Variants in KCNAB2 observed in about 807,000 individuals in gnomAD.
KCNAB2 encodes the protein potassium voltage-gated channel subfamily A regulatory beta subunit 2.
In KCNAB2, 29 loss-of-function variants were observed where a neutral mutation model predicts 63.6. The ratio of observed to expected loss-of-function variants is 0.46; its 90% CI spans 0.34 to 0.62. The LOEUF (loss-of-function observed/expected upper bound fraction) is 0.62. KCNAB2 is among the 20% of genes least tolerant of loss of function. The pLI is 0.01. For missense variants in KCNAB2, 359 were observed against 563.9 expected (o/e 0.64, Z 3.68); for synonymous variants, 222 against 224.2 (o/e 0.99, Z 0.09).
At chr1:6,036,627 G>T (rs1660059629) in intron 1 of KCNAB2, among the ~76,000 whole-genome samples, 1 of 152,232 alleles carries the variant, frequency 6.6e-6, no homozygotes, top group African/African-American at 2.4e-5. Flanking sequence ...CCTTGAGTGG[G>T]TGTGGGGCTG....
chr1:6,061,047 G>A (rs1323455233), intron 2 of KCNAB2, among the ~76,000 whole-genome samples: 1 of 152,212 alleles, frequency 6.6e-6, no homozygotes, highest in East Asian at 1.9e-4. Flanking sequence ...GCCGGCCCCA[G>A]CTTTCCAGCC....
chr1:6,004,364 T>C (rs995622080), intron 1 of KCNAB2, among the ~76,000 whole-genome samples: 10 of 151,880 alleles, frequency 6.6e-5, no homozygotes, highest in African/African-American at 2.4e-4. Context: ...CCCAGCTTGG[T>C]TAGAGGGTTT....
chr1:5,993,570 T>G (rs806111), intron 1 of KCNAB2, among the ~76,000 whole-genome samples: 62,002 of 152,104 alleles, frequency 0.41, 13,337 homozygotes, highest in African/African-American at 0.57. Flanking sequence ...TCCTGCGGCA[T>G]TAGCAGCAGC....
chr1:6,084,612 T>C (rs967016842), intron 5 of KCNAB2, among the ~76,000 whole-genome samples: 4 of 152,102 alleles, frequency 2.6e-5, no homozygotes, highest in East Asian at 1.9e-4. Flanking sequence ...GATGAGGAGT[T>C]CGAGACCAGC....
Position 6,095,640 on chromosome 1 carries a change from G to A in KCNAB2, c.948+16G>A, listed in dbSNP as rs759195710. The stretch of plus-strand genomic sequence containing the variant: ...CTCCTTGAAGGTGAAGGAACAGCCT[G>A]GTGGGGAGGGACGGGCAGGGGATAG... On this transcript the variant is annotated intron_variant, in intron 13 of 15. Transcript: ENST00000378083. 57 of 1,610,986 alleles carry A rather than the reference G, an allele frequency of 3.5e-5. No individual in the cohort carries two copies. Among genetic ancestry groups the A allele is most frequent in the Admixed American group, 5.0e-5 (3 of 60,008 alleles).
chr1:6,098,476 T>C lies in KCNAB2; in HGVS notation c.1159-9T>C. The C allele has an allele frequency of 6.2e-7, 1 of 1,613,770 alleles. No homozygotes were observed. Among genetic ancestry groups the C allele is most frequent in the Non-Finnish European group, 8.5e-7 (1 of 1,179,842 alleles). Reference sequence around the variant, plus strand: ...TGGGATTCTGATTTGTTGTTGTTCTTGCACGCAGGTCCTTCCGAAACTGTC... The same window carrying C: ...TGGGATTCTGATTTGTTGTTGTTCTCGCACGCAGGTCCTTCCGAAACTGTC... On this transcript the variant is annotated splice_polypyrimidine_tract_variant and intron_variant, in intron 15 of 15. Transcript: ENST00000378083.
At chr1:6,015,477 AGTAATC>A (rs1285414845) in intron 1 of KCNAB2, among the ~76,000 whole-genome samples, 1 of 152,198 alleles carries the variant, frequency 6.6e-6, no homozygotes, top group African/African-American at 2.4e-5. Context: ...CCCAGAGTTG[AGTAATC>A]GTAATCGAGA....
At chr1:6,009,574 G>T (rs994416220) in intron 1 of KCNAB2, among the ~76,000 whole-genome samples, 1 of 152,220 alleles carries the variant, frequency 6.6e-6, no homozygotes. Flanking sequence ...GTAATGGGAG[G>T]AACTCTGACA....
At chr1:6,081,507 A>G (rs750139540) in intron 4 of KCNAB2, among the ~76,000 whole-genome samples, 2 of 152,238 alleles carry the variant, frequency 1.3e-5, no homozygotes, top group African/African-American at 2.4e-5. Context: ...ACAAAGTAAC[A>G]TAACCTGGGG....
intron 2 of KCNAB2, among the ~76,000 whole-genome samples, chr1:6,072,279 C>T (rs1382237646): frequency 6.6e-6 from 1 of 152,202 alleles, no homozygotes; most frequent in Non-Finnish European, 1.5e-5. Flanking sequence ...CCCCGAGGGA[C>T]AGATGCACAG....
At chr1:6,018,269 G>C (rs1375307392) in intron 1 of KCNAB2, among the ~76,000 whole-genome samples, 1 of 152,150 alleles carries the variant, frequency 6.6e-6, no homozygotes, top group African/African-American at 2.4e-5. Flanking sequence ...CCAGATAGTC[G>C]ATGTTTTCAG....
intron 1 of KCNAB2, among the ~76,000 whole-genome samples, chr1:6,038,705 G>A (rs1487603440): frequency 6.6e-6 from 1 of 152,244 alleles, no homozygotes; most frequent in Non-Finnish European, 1.5e-5. Flanking sequence ...AGGGACAGAG[G>A]TTGTTTGGGA....
At position 6,071,524 on chromosome 1, in the gene KCNAB2, T is replaced by C. The variant is rs1361889611; in HGVS notation, c.219-1231T>C. 6.6e-6 allele frequency among the ~76,000 whole-genome samples: 1 copy of C among 152,112 alleles called. No homozygotes were observed. Among genetic ancestry groups the C allele is most frequent in the African/African-American group, 2.4e-5 (1 of 41,422 alleles). ...CTGGGGTGTGGGATGCATGCCACCA[T>C]GGTGGGGAACGTGAGCTGGCAGCCA... On this transcript the variant is annotated intron_variant, in intron 2 of 15. Coordinates refer to ENST00000378083, the MANE Select transcript of KCNAB2 (RefSeq NM_001199862.2). The surrounding 1 kb of genome is among the most constrained non-coding windows in gnomAD (Gnocchi z 8.5).
upstream of KCNAB2, chr1:6,041,577 G>T (rs1445984296): frequency 3.7e-6 from 2 of 537,760 alleles, no homozygotes; most frequent in South Asian, 2.2e-5. Context: ...GGCCTGGCAT[G>T]GAAGGAGCCC....
In KCNAB2 at chr1:6,024,158, T is replaced by C. The variant is rs540164547; in HGVS notation, c.-52-16359T>C. On this transcript the variant is annotated intron_variant, in intron 1 of 16. Coordinates refer to the KCNAB2 transcript ENST00000341524. This position sits in a 1 kb window ranked among gnomAD's most constrained non-coding sequence, Gnocchi z 5.4. ...GGTTTCACCATGTTGGTCAGGCTGG[T>C]CTCGAACTCCTGACCTCAGGTGATC... Among the ~76,000 whole-genome samples the C allele has an allele frequency of 6.6e-6, 1 of 152,298 alleles. No individual in the cohort carries two copies. Among genetic ancestry groups the C allele is most frequent in the African/African-American group, 2.4e-5 (1 of 41,574 alleles).
chr1:6,025,867 CGA>C (rs1464810587), intron 1 of KCNAB2: 1 of 148,860 alleles, frequency 6.7e-6, no homozygotes, highest in Non-Finnish European at 1.5e-5. Context: ...GGCACACAGC[CGA>C]TCCCGGCACA....
rs1656792963 is a variant in KCNAB2, at chr1:5,994,288, G to A, written c.-53+1500G>A. 2.0e-5 allele frequency among the ~76,000 whole-genome samples: 3 copies of A among 152,206 alleles called. No individual in the cohort carries two copies. The highest frequency in any genetic ancestry group is 1.9e-4 in the East Asian group (1 of 5,202). Reference sequence around the variant, plus strand: ...CAGGTTGCAGGGTTTGGGGACCTACGTGTGGAGAGTCACATCTGCCCACCT... The same window carrying A: ...CAGGTTGCAGGGTTTGGGGACCTACATGTGGAGAGTCACATCTGCCCACCT... On this transcript the variant is annotated intron_variant, in intron 1 of 16. Transcript: ENST00000341524. This position sits in a 1 kb window ranked among gnomAD's most constrained non-coding sequence, Gnocchi z 5.4.
upstream of KCNAB2, chr1:6,041,191 A>T (rs1490674934): frequency 6.3e-6 from 1 of 157,566 alleles, no homozygotes; most frequent in Non-Finnish European, 1.4e-5. Context: ...TGTCTGCACC[A>T]TAAACAGCGC....
At chr1:6,044,854 G>C (rs1054170774), upstream of KCNAB2, among the ~76,000 whole-genome samples, 2 of 152,156 alleles carry the variant, frequency 1.3e-5, no homozygotes, top group Non-Finnish European at 2.9e-5. Flanking sequence ...CAGAAGCCAC[G>C]TCCACAGGGC....
Sources: gnomAD v4.1 joint callset for allele counts (sites outside exome capture counted in the v4.1 genomes callset) on GRCh38, gnomAD v4.1.1 for gene constraint, Gnocchi (gnomAD v3.1) non-coding constraint, MANE v1.5 for transcripts, NCBI Gene and HGNC (gene_info 2026-07-23, HGNC 2026-07-21) for gene names.